PTPN4: variants seen among roughly 807,000 people sequenced by gnomAD.
The protein encoded by PTPN4 is tyrosine-protein phosphatase non-receptor type 4.
A neutral mutation model predicts 135.5 loss-of-function variants in PTPN4; 49 were observed. The observed-to-expected ratio is 0.36, with a 90% confidence interval of 0.29 to 0.46. PTPN4 has a LOEUF of 0.46. PTPN4 is among the 20% of genes least tolerant of loss of function. The pLI, the probability that PTPN4 is intolerant of heterozygous loss-of-function variation, is 1.00. For synonymous variants in PTPN4, 333 were observed against 369.9 expected (o/e 0.90, Z 1.14); for missense variants, 860 against 1,101.0 (o/e 0.78, Z 3.10).
chr2:119,865,691 A>G (rs186841160), intron 3 of PTPN4, among the ~76,000 whole-genome samples: 8 of 152,202 alleles, frequency 5.3e-5, no homozygotes. Flanking sequence ...ATTCTCACCT[A>G]TCTTTAGCTC....
intron 3 of PTPN4, among the ~76,000 whole-genome samples, chr2:119,869,079 T>C (rs1320288076): frequency 6.6e-6 from 1 of 152,178 alleles, no homozygotes; most frequent in African/African-American, 2.4e-5. Flanking sequence ...AGCCCAAATG[T>C]GAATTAACTT....
At chr2:119,832,742 C>A (rs1475638923) in intron 2 of PTPN4, among the ~76,000 whole-genome samples, 1 of 150,464 alleles carries the variant, frequency 6.6e-6, no homozygotes, top group Admixed American at 6.6e-5. Flanking sequence ...ATTCTTGTAC[C>A]TTTTTTTTTA....
chr2:119,839,713 A>G (rs947272685), intron 2 of PTPN4, among the ~76,000 whole-genome samples: 5 of 152,244 alleles, frequency 3.3e-5, no homozygotes, highest in African/African-American at 9.6e-5. Context: ...GTGCTTAGGT[A>G]AATATCAACA....
chr2:119,826,307 C>G (rs1316547623), intron 2 of PTPN4, among the ~76,000 whole-genome samples: 4 of 152,210 alleles, frequency 2.6e-5, no homozygotes, highest in Non-Finnish European at 5.9e-5. Flanking sequence ...TCTCCTCACT[C>G]ATGGAGTAGG....
At chr2:119,892,980 C>T (rs1678264041) in intron 9 of PTPN4, among the ~76,000 whole-genome samples, 1 of 151,732 alleles carries the variant, frequency 6.6e-6, no homozygotes, top group East Asian at 1.9e-4. Flanking sequence ...CTACCTGCCT[C>T]GGCCTCCCAA....
At position 119,983,282 on chromosome 2, in the gene PTPN4, C is replaced by T. The variant is rs1317913206; in HGVS notation, c.*6212C>T. ...GAATCCGTCAAGGGGGAGATAGCCCCGCTCACACCCTTAGACCCAAACAGG... is the reference window on the plus strand; with the variant it reads ...GAATCCGTCAAGGGGGAGATAGCCCTGCTCACACCCTTAGACCCAAACAGG... On this transcript the variant is annotated 3_prime_UTR_variant, in exon 27 of 27. Transcript: ENST00000263708. The T allele has an allele frequency of 2.6e-5, 4 of 152,194 alleles. No individual in the cohort carries two copies. The highest frequency in any genetic ancestry group is 4.4e-5 in the Non-Finnish European group (3 of 68,048). 9.4% of individuals were successfully genotyped at this position (152,194 alleles called of 1,614,324 possible). A position where few individuals can be genotyped will look rare whatever the true frequency, so the allele number is the denominator to read the frequency against.
At chr2:119,967,035 A>T (rs886667335) in intron 25 of PTPN4, among the ~76,000 whole-genome samples, 2 of 152,264 alleles carry the variant, frequency 1.3e-5, no homozygotes, top group Admixed American at 1.3e-4. Context: ...TTTGAGAGGT[A>T]AAGTAGCAAG....
chr2:119,788,428 C>G (rs1166955597), intron 1 of PTPN4, among the ~76,000 whole-genome samples: 1 of 152,148 alleles, frequency 6.6e-6, no homozygotes, highest in South Asian at 2.1e-4. Flanking sequence ...TGTTTTTAAT[C>G]GAGGTAAAAT....
chr2:119,873,364 C>T (rs1677941621), intron 3 of PTPN4, among the ~76,000 whole-genome samples: 1 of 152,062 alleles, frequency 6.6e-6, no homozygotes, highest in African/African-American at 2.4e-5. Context: ...TAGAAGTGCA[C>T]CTCAATGAAA....
intron 1 of PTPN4, among the ~76,000 whole-genome samples, chr2:119,807,697 AAGAG>A (rs1178756694): frequency 6.6e-6 from 1 of 152,190 alleles, no homozygotes; most frequent in Non-Finnish European, 1.5e-5. Context: ...TCAATAGAAA[AAGAG>A]AGAATCCTCC....
At position 119,965,533 on chromosome 2, in the gene PTPN4, A is replaced by G. The variant is rs1287968345; in HGVS notation, c.2446A>G (p.Ile816Val). 3.1e-6 allele frequency: 5 copies of G among 1,613,616 alleles called. No homozygotes were observed. The highest frequency in any genetic ancestry group is 2.2e-5 in the East Asian group (1 of 44,882). Reference sequence around the variant, plus strand: ...TCGTCCACTCACTCAGATCCAGTACATAGCCTGGCCTGACCATGGAGTCCC... The same window carrying G: ...TCGTCCACTCACTCAGATCCAGTACGTAGCCTGGCCTGACCATGGAGTCCC... ...ESRPLTQIQYIAWPDHGVPDD... is the reference protein window; with the variant it reads ...ESRPLTQIQYVAWPDHGVPDD... Residue 816 changes from isoleucine to valine, a missense_variant, in exon 25 of 27, where the codon ATA (isoleucine) becomes GTA (valine). This residue lies in a region of PTPN4 where 176 missense variants were observed against 294.1 expected (regional missense o/e 0.60). Transcript: ENST00000263708.
intron 26 of PTPN4, among the ~76,000 whole-genome samples, chr2:119,975,077 GCAGT>G (rs762361696): frequency 6.6e-6 from 1 of 152,042 alleles, no homozygotes; most frequent in Non-Finnish European, 1.5e-5. Context: ...CCCACAGTAT[GCAGT>G]CAAATTACTG....
At chr2:119,935,156 T>A in intron 15 of PTPN4, 198 bp downstream of exon 15, 1 of 610,316 alleles carries the variant, frequency 1.6e-6, no homozygotes, top group East Asian at 2.9e-5. Flanking sequence ...CACTATGTTG[T>A]TATTTTGTTG....
intron 22 of PTPN4, among the ~76,000 whole-genome samples, chr2:119,960,498 G>A (rs1679350829): frequency 6.6e-6 from 1 of 152,100 alleles, no homozygotes; most frequent in South Asian, 2.1e-4. Context: ...ATCATAATCG[G>A]CCGGGTGTGG....
At chr2:119,948,839 A>C (rs891340101) in intron 18 of PTPN4, among the ~76,000 whole-genome samples, 1 of 152,164 alleles carries the variant, frequency 6.6e-6, no homozygotes, top group African/African-American at 2.4e-5. Context: ...TATTAGATAC[A>C]TAGAAAAATT....
At chr2:119,873,897 T>C (rs1558751101) in intron 3 of PTPN4, among the ~76,000 whole-genome samples, 2 of 152,156 alleles carry the variant, frequency 1.3e-5, no homozygotes, top group Non-Finnish European at 2.9e-5. Flanking sequence ...TAAGGGTTTA[T>C]CATATGTGAT....
intron 2 of PTPN4, among the ~76,000 whole-genome samples, chr2:119,825,982 T>G (rs1392769332): frequency 2.0e-5 from 3 of 152,220 alleles, no homozygotes; most frequent in African/African-American, 7.2e-5. Context: ...TTGTTGAACA[T>G]AAGAATATAA....
At chr2:119,864,033 A>G (rs1027478214) in intron 3 of PTPN4, among the ~76,000 whole-genome samples, 11 of 152,152 alleles carry the variant, frequency 7.2e-5, no homozygotes, top group African/African-American at 2.7e-4. Context: ...TACACTTGCA[A>G]GTTGCCTTGG....
intron 1 of PTPN4, among the ~76,000 whole-genome samples, chr2:119,774,901 C>A (rs1229729881): frequency 6.6e-6 from 1 of 151,836 alleles, no homozygotes. Context: ...TGCCTTTAAT[C>A]CCAGCTACTC....
Sources: gnomAD v4.1 joint callset for allele counts (sites outside exome capture counted in the v4.1 genomes callset) on GRCh38, gnomAD v4.1.1 for gene constraint, gnomAD v4.1.1 regional missense constraint, MANE v1.5 for transcripts, NCBI Gene and HGNC (gene_info 2026-07-23, HGNC 2026-07-21) for gene names.